Variants in L3MBTL4 observed in about 807,000 individuals in gnomAD.
L3MBTL4 encodes the protein L3MBTL histone methyl-lysine binding protein 4.
In L3MBTL4, 70 loss-of-function variants were observed where a neutral mutation model predicts 84.5. The observed-to-expected ratio is 0.83, with a 90% CI of 0.68 to 1.01. L3MBTL4 has a LOEUF of 1.01. Among genes scored for constraint, L3MBTL4 ranks in the 50% least tolerant of loss-of-function variants. The pLI, the probability that L3MBTL4 is intolerant of heterozygous loss-of-function variation, is 0.00. For synonymous variants in L3MBTL4, 274 were observed against 259.8 expected (o/e 1.05, Z -0.52); for missense variants, 715 against 754.8 (o/e 0.95, Z 0.62).
chr18:6,082,726 T>A (rs2069394678), intron 15 of L3MBTL4, among the ~76,000 whole-genome samples: 2 of 152,204 alleles, frequency 1.3e-5, no homozygotes, highest in South Asian at 4.1e-4. Flanking sequence ...AAAAACATTT[T>A]AAAATAAATC....
At chr18:6,051,227 T>A (rs1049452981) in intron 16 of L3MBTL4, among the ~76,000 whole-genome samples, 1 of 152,216 alleles carries the variant, frequency 6.6e-6, no homozygotes, top group Non-Finnish European at 1.5e-5. Context: ...ACAGTCTGCA[T>A]GAATATCTCC....
chr18:5,999,944 C>A (rs2054143464), intron 16 of L3MBTL4, among the ~76,000 whole-genome samples: 1 of 151,938 alleles, frequency 6.6e-6, no homozygotes, highest in Admixed American at 6.6e-5. Flanking sequence ...TCCAGAGGAG[C>A]CATGTTTGCA....
At chr18:6,091,705 T>C in intron 15 of L3MBTL4, among the ~76,000 whole-genome samples, 1 of 152,204 alleles carries the variant, frequency 6.6e-6, no homozygotes, top group Non-Finnish European at 1.5e-5. Context: ...AAAGCTTAGC[T>C]AACCTCTGAG....
At chr18:6,139,838 G>GCT (rs2060141108) in intron 13 of L3MBTL4, among the ~76,000 whole-genome samples, 2 of 152,088 alleles carry the variant, frequency 1.3e-5, no homozygotes, top group South Asian at 4.1e-4. Context: ...CACCTCTGAG[G>GCT]CTCCTCTTCT....
chr18:6,034,990 G>C (rs961954924), intron 16 of L3MBTL4, among the ~76,000 whole-genome samples: 12 of 150,556 alleles, frequency 8.0e-5, no homozygotes, highest in Non-Finnish European at 1.5e-4. Flanking sequence ...CTTTTTGATG[G>C]GGTTGTTTGT....
At chr18:6,110,747 G>T (rs200496321) in intron 14 of L3MBTL4, among the ~76,000 whole-genome samples, 1 of 152,086 alleles carries the variant, frequency 6.6e-6, no homozygotes, top group African/African-American at 2.4e-5. Flanking sequence ...ATGCATCAGA[G>T]AGGACATGGT....
At chr18:6,138,982 G>A (rs561396759) in intron 13 of L3MBTL4, among the ~76,000 whole-genome samples, 2 of 152,170 alleles carry the variant, frequency 1.3e-5, no homozygotes, top group Non-Finnish European at 2.9e-5. Context: ...ACCACAGCAA[G>A]GATCTTAGAA....
intron 1 of L3MBTL4, among the ~76,000 whole-genome samples, chr18:6,364,369 T>C (rs1166201352): frequency 6.6e-6 from 1 of 152,090 alleles, no homozygotes; most frequent in Non-Finnish European, 1.5e-5. Context: ...TAAATATTGA[T>C]ATATAAGACA....
Position 6,374,458 on chromosome 18 carries a change from C to T in L3MBTL4, c.-91+40343G>A, listed in dbSNP as rs147544475. On this transcript the variant is annotated intron_variant, in intron 1 of 18. Transcript: ENST00000317931. ...AGGCAACATTGAGGTCTACTTCATC[C>T]GCAAAGTCCACATTTCTTTTGTGGG... 9 of 154,924 alleles carry T rather than the reference C, an allele frequency of 5.8e-5. 1 individual carries two copies. Among genetic ancestry groups the T allele is most frequent in the East Asian group, 1.9e-4 (1 of 5,192 alleles). The allele number at this position is 154,924 out of a possible 1,614,324, so 9.6% of individuals were successfully genotyped here.
chr18:6,078,361 A>G (rs1034872576), intron 16 of L3MBTL4, among the ~76,000 whole-genome samples: 1 of 132,282 alleles, frequency 7.6e-6, no homozygotes, highest in South Asian at 2.6e-4. Context: ...CAGGAAGTGG[A>G]GATTGCAGTG....
chr18:6,280,238 A>C (rs2049267094), intron 4 of L3MBTL4, among the ~76,000 whole-genome samples: 1 of 152,218 alleles, frequency 6.6e-6, no homozygotes, highest in Non-Finnish European at 1.5e-5. Context: ...GAAAAATCTA[A>C]TGTAAAATCA....
At chr18:5,958,317 G>A (rs762427251) in intron 18 of L3MBTL4, among the ~76,000 whole-genome samples, 36 of 152,076 alleles carry the variant, frequency 2.4e-4, no homozygotes, top group Non-Finnish European at 4.9e-4. Flanking sequence ...ATGATATATT[G>A]TCTGATAAGG....
At chr18:5,969,343 T>C in intron 17 of L3MBTL4, 50 bp downstream of exon 17, 1 of 1,601,152 alleles carries the variant, frequency 6.2e-7, no homozygotes, top group Non-Finnish European at 8.5e-7. Context: ...TCCGCCTATT[T>C]CTCAGCAGCA....
intron 16 of L3MBTL4, among the ~76,000 whole-genome samples, chr18:6,011,004 G>C (rs905751392): frequency 5.3e-5 from 8 of 152,146 alleles, no homozygotes; most frequent in Non-Finnish European, 1.0e-4. Flanking sequence ...GCTAATGTTG[G>C]TCTCCTTATT....
chr18:6,115,170 G>A (rs1426894469), intron 14 of L3MBTL4, among the ~76,000 whole-genome samples: 10 of 152,170 alleles, frequency 6.6e-5, no homozygotes, highest in Admixed American at 5.2e-4. Context: ...CTGTTTGAAT[G>A]GTTTTTGAGA....
chr18:6,274,927 A>G (rs1472454654), intron 4 of L3MBTL4, among the ~76,000 whole-genome samples: 1 of 152,194 alleles, frequency 6.6e-6, no homozygotes, highest in Non-Finnish European at 1.5e-5. Flanking sequence ...GGACTCTGAC[A>G]TTTCTAGCTT....
chr18:6,199,879 A>T (rs2045576087), intron 12 of L3MBTL4, among the ~76,000 whole-genome samples: 1 of 152,244 alleles, frequency 6.6e-6, no homozygotes, highest in Non-Finnish European at 1.5e-5. Context: ...AGCAGAGTAT[A>T]AATCTCTGGG....
chr18:6,245,777 G>T (rs2047636686), intron 5 of L3MBTL4, among the ~76,000 whole-genome samples: 1 of 151,904 alleles, frequency 6.6e-6, no homozygotes, highest in South Asian at 2.1e-4. Context: ...TTTTAGTAGT[G>T]ACGGGGTTTC....
chr18:6,262,394 C>T (rs343248), intron 5 of L3MBTL4, among the ~76,000 whole-genome samples: 5,615 of 152,242 alleles, frequency 0.037, 240 homozygotes, highest in African/African-American at 0.11. Context: ...CAGGCACTGC[C>T]GGGATACATG....
Sources: allele counts gnomAD v4.1 joint callset (sites outside exome capture counted in the v4.1 genomes callset), GRCh38; gene constraint gnomAD v4.1.1; transcripts MANE v1.5; gene names NCBI Gene and HGNC (gene_info 2026-07-23, HGNC 2026-07-21).